FGGY: variants seen among roughly 807,000 people sequenced by gnomAD.
FGGY encodes the protein FGGY carbohydrate kinase domain-containing protein.
Under a neutral mutation model 71.3 loss-of-function variants are expected in FGGY, and 72 were observed. The observed-to-expected ratio is 1.01, with a 90% CI of 0.84 to 1.23. The LOEUF (loss-of-function observed/expected upper bound fraction) is 1.23, where lower values mean the gene tolerates loss of function less well. FGGY is among the 50% of genes most tolerant of loss of function. The probability of loss-of-function intolerance (pLI) is 0.00; values close to 1 mark genes in which losing one functional copy is unlikely to be tolerated. For missense variants in FGGY, 668 were observed against 682.3 expected, an observed-to-expected ratio of 0.98 and a Z score of 0.23; for synonymous variants, 251 against 250.3, an observed-to-expected ratio of 1.00 and a Z score of -0.02.
chr1:59,324,445 T>G (rs1335523906), intron 2 of FGGY, among the ~76,000 whole-genome samples: 1 of 149,954 alleles, frequency 6.7e-6, no homozygotes, highest in African/African-American at 2.5e-5. Flanking sequence ...CCCGGCTAAT[T>G]TTTTGTATTT....
At chr1:59,683,200 A>G (rs1404762414) in intron 14 of FGGY, among the ~76,000 whole-genome samples, 1 of 152,202 alleles carries the variant, frequency 6.6e-6, no homozygotes, top group Non-Finnish European at 1.5e-5. Context: ...TGCAAGTTAG[A>G]TTATTCACTT....
At chr1:59,395,377 A>G (rs1165484794) in intron 5 of FGGY, among the ~76,000 whole-genome samples, 1 of 152,188 alleles carries the variant, frequency 6.6e-6, no homozygotes, top group South Asian at 2.1e-4. Context: ...GGTGTTTTTA[A>G]TGCCTGATTG....
At chr1:59,550,700 G>A (rs1426177666) in intron 7 of FGGY, among the ~76,000 whole-genome samples, 1 of 152,148 alleles carries the variant, frequency 6.6e-6, no homozygotes, top group Non-Finnish European at 1.5e-5. Context: ...TGAAACTCTT[G>A]TTTTTCTAAC....
intron 9 of FGGY, among the ~76,000 whole-genome samples, chr1:59,612,612 C>T (rs921751813): frequency 6.6e-5 from 10 of 152,192 alleles, no homozygotes; most frequent in South Asian, 2.1e-4. Flanking sequence ...AACCAGCTAA[C>T]GTCATAATGA....
chr1:59,609,572 A>G (rs1031460805), intron 9 of FGGY, among the ~76,000 whole-genome samples: 12 of 152,142 alleles, frequency 7.9e-5, no homozygotes, highest in African/African-American at 2.4e-5. Flanking sequence ...AGAAAGTGAG[A>G]CCTAGGCTCA....
At chr1:59,398,768 C>G (rs548038794) in intron 5 of FGGY, among the ~76,000 whole-genome samples, 2 of 152,218 alleles carry the variant, frequency 1.3e-5, no homozygotes, top group East Asian at 3.9e-4. Context: ...ACCTCATTTG[C>G]TGATTAAATT....
chr1:59,314,933 G>A lies in FGGY; in HGVS notation c.-14-6603G>A, dbSNP rs145010259. Among the ~76,000 whole-genome samples the A allele has an allele frequency of 1.6e-3, 244 of 152,268 alleles. 3 individuals carry two copies. Among genetic ancestry groups the A allele is most frequent in the Admixed American group, 0.01 (154 of 15,292 alleles). ...TGGGCTCAGAGACTATGTGTGTGAT[G>A]TTGTTTTCTCATGTTCTATGGTGTC... On this transcript the variant is annotated intron_variant, in intron 1 of 15. Transcript: ENST00000303721.
At chr1:59,719,328 G>C (rs2097867913) in intron 14 of FGGY, among the ~76,000 whole-genome samples, 1 of 152,132 alleles carries the variant, frequency 6.6e-6, no homozygotes, top group African/African-American at 2.4e-5. Context: ...TCTGGAATCA[G>C]AAGGATATGA....
chr1:59,571,552 C>T (rs901712722), intron 8 of FGGY, among the ~76,000 whole-genome samples: 1 of 152,218 alleles, frequency 6.6e-6, no homozygotes, highest in East Asian at 1.9e-4. Flanking sequence ...TTTGACTGTG[C>T]ACATGCCCTG....
intron 14 of FGGY, among the ~76,000 whole-genome samples, chr1:59,709,998 A>G (rs2097782867): frequency 6.6e-6 from 1 of 152,256 alleles, no homozygotes; most frequent in East Asian, 1.9e-4. Context: ...ACCTATGCTC[A>G]TCTTTATGAG....
At chr1:59,723,953 A>T (rs561589956) in intron 14 of FGGY, among the ~76,000 whole-genome samples, 4 of 152,100 alleles carry the variant, frequency 2.6e-5, no homozygotes, top group Non-Finnish European at 5.9e-5. Context: ...ACATGAGGTC[A>T]GGAGTTCAAG....
At chr1:59,641,662 C>T (rs1401240642) in intron 11 of FGGY, among the ~76,000 whole-genome samples, 2 of 152,154 alleles carry the variant, frequency 1.3e-5, no homozygotes, top group Non-Finnish European at 2.9e-5. Context: ...TTCTGCTTCT[C>T]TTGAAAATAT....
At chr1:59,728,301 C>T (rs569642106) in intron 14 of FGGY, among the ~76,000 whole-genome samples, 229 of 152,044 alleles carry the variant, frequency 1.5e-3, no homozygotes, top group African/African-American at 5.3e-3. Context: ...AGTGCAGGTA[C>T]CTTATAAGGA....
intron 5 of FGGY, among the ~76,000 whole-genome samples, chr1:59,421,248 T>G (rs1234150037): frequency 2.6e-5 from 4 of 152,146 alleles, no homozygotes; most frequent in African/African-American, 4.8e-5. Context: ...CAACAACTGT[T>G]AAGAAAAGTA....
intron 7 of FGGY, among the ~76,000 whole-genome samples, chr1:59,541,731 T>A (rs1029603265): frequency 6.6e-6 from 1 of 152,176 alleles, no homozygotes; most frequent in Non-Finnish European, 1.5e-5. Context: ...AAGAAATGTG[T>A]ACTTCAATGT....
chr1:59,585,883 C>CA (rs1158460151), intron 8 of FGGY, among the ~76,000 whole-genome samples: 8 of 152,190 alleles, frequency 5.3e-5, no homozygotes, highest in African/African-American at 1.9e-4. Context: ...CAAAAGAAGA[C>CA]ATTTATGCAG....
chr1:59,378,970 AT>A, intron 5 of FGGY, 133 bp downstream of exon 5: 1 of 679,602 alleles, frequency 1.5e-6, no homozygotes, highest in Non-Finnish European at 2.5e-6. Context: ...TACATGAAAC[AT>A]CTTGAATCTA....
At chr1:59,473,205 T>A (rs4644520) in intron 6 of FGGY, among the ~76,000 whole-genome samples, 1 of 152,106 alleles carries the variant, frequency 6.6e-6, no homozygotes, top group Admixed American at 6.5e-5. Flanking sequence ...TGCAAAGGTC[T>A]GCAGCTTCAC....
chr1:59,353,564 C>T (rs2053701429), intron 4 of FGGY, among the ~76,000 whole-genome samples: 1 of 152,186 alleles, frequency 6.6e-6, no homozygotes, highest in Non-Finnish European at 1.5e-5. Flanking sequence ...CAGCCAACTT[C>T]GAGCTGTAAA....
Sources: gnomAD v4.1 joint callset for allele counts (sites outside exome capture counted in the v4.1 genomes callset) on GRCh38, gnomAD v4.1.1 for gene constraint, MANE v1.5 for transcripts, NCBI Gene and HGNC (gene_info 2026-07-23, HGNC 2026-07-21) for gene names.